NEDD4L: variants seen among roughly 807,000 people sequenced by gnomAD.
The protein encoded by NEDD4L is E3 ubiquitin-protein ligase NEDD4-like.
A neutral mutation model predicts 148.9 loss-of-function variants in NEDD4L; 54 were observed. The observed-to-expected ratio is 0.36, with a 90% CI of 0.29 to 0.45. The LOEUF (loss-of-function observed/expected upper bound fraction) is 0.45, where lower values mean the gene tolerates loss of function less well. NEDD4L is among the 20% of genes least tolerant of loss of function. The probability of loss-of-function intolerance (pLI) is 1.00; values close to 1 mark genes in which losing one functional copy is unlikely to be tolerated. For missense variants in NEDD4L, 856 were observed against 1,233.8 expected (o/e 0.69, Z 4.59); for synonymous variants, 433 against 440.7 (o/e 0.98, Z 0.22).
intron 5 of NEDD4L, chr18:58,255,757 G>T (rs890229662): frequency 8.1e-7 from 1 of 1,232,536 alleles, no homozygotes; most frequent in South Asian, 4.1e-5. Flanking sequence ...ACACCCTACC[G>T]CGGAGAAGCA....
chr18:58,167,219 C>T (rs2146649686), intron 2 of NEDD4L, among the ~76,000 whole-genome samples: 1 of 152,294 alleles, frequency 6.6e-6, no homozygotes, highest in East Asian at 1.9e-4. Context: ...GCAAATCCCA[C>T]CTGAAGGCAC....
chr18:58,087,695 A>G (rs991161646), intron 1 of NEDD4L, among the ~76,000 whole-genome samples: 6 of 152,040 alleles, frequency 3.9e-5, no homozygotes, highest in African/African-American at 7.2e-5. Flanking sequence ...ACCAACATGG[A>G]GAAACCCCAT....
intron 1 of NEDD4L, among the ~76,000 whole-genome samples, chr18:58,123,365 C>T (rs1008496433): frequency 6.6e-6 from 1 of 152,172 alleles, no homozygotes; most frequent in African/African-American, 2.4e-5. Context: ...TCCCAGCCTT[C>T]CCACTTGAAA....
Position 58,083,699 on chromosome 18 carries a change from A to AAAC in NEDD4L, c.48+38993_48+38994insCAA, listed in dbSNP as rs779960904. ...CGAGACTCCATCTCAAAAAACAAAA[A>AAAC]AAACAAAACAACAACAACAGAAAAA... On this transcript the variant is annotated intron_variant, in intron 1 of 30. Transcript: ENST00000400345. 6.9e-3 allele frequency among the ~76,000 whole-genome samples: 1,049 copies of AAAC among 152,290 alleles called. 11 individuals are homozygous for AAAC. The highest frequency in any genetic ancestry group is 0.032 in the South Asian group (153 of 4,820).
At chr18:58,350,249 G>C (rs2043705153) in intron 17 of NEDD4L, among the ~76,000 whole-genome samples, 1 of 152,170 alleles carries the variant, frequency 6.6e-6, no homozygotes, top group Admixed American at 6.5e-5. Context: ...TGTTTTCCAA[G>C]TGTAAGAACC....
intron 2 of NEDD4L, among the ~76,000 whole-genome samples, chr18:58,216,530 AGGAGATGGTG>A (rs1175448870): frequency 6.6e-6 from 1 of 152,080 alleles, no homozygotes; most frequent in Non-Finnish European, 1.5e-5. Context: ...AATGGAGAGG[AGGAGATGGTG>A]GGAGATTAAA....
intron 30 of NEDD4L, 23 bp downstream of exon 30, chr18:58,391,582 T>C: frequency 2.6e-6 from 4 of 1,524,794 alleles, no homozygotes; most frequent in Non-Finnish European, 3.6e-6. Context: ...AACACATGCA[T>C]GTCAATGCAA....
At chr18:58,384,308 G>A (rs4940679) in intron 25 of NEDD4L, among the ~76,000 whole-genome samples, 84,351 of 152,038 alleles carry the variant, frequency 0.55, 23,588 homozygotes, top group South Asian at 0.63. Flanking sequence ...ATTACATGGC[G>A]GACTCTTTTC....
intron 2 of NEDD4L, among the ~76,000 whole-genome samples, chr18:58,207,689 G>A (rs1194578550): frequency 1.3e-5 from 2 of 152,152 alleles, no homozygotes; most frequent in East Asian, 3.8e-4. Context: ...ACCCTTGGCC[G>A]TGCCTCTGCA....
chr18:58,372,084 A>G (rs1262698385), intron 23 of NEDD4L: 1 of 151,994 alleles, frequency 6.6e-6, no homozygotes, highest in Non-Finnish European at 1.5e-5. Context: ...ACTTAAAACT[A>G]TTGGTATTTA....
At chr18:58,276,212 T>TTTGG (rs1555782967) in intron 5 of NEDD4L, among the ~76,000 whole-genome samples, 2 of 103,448 alleles carry the variant, frequency 1.9e-5, no homozygotes, top group African/African-American at 7.3e-5. Context: ...TTTTTTTTTT[T>TTTGG]GGGTGGGGAG....
intron 1 of NEDD4L, among the ~76,000 whole-genome samples, chr18:58,074,436 T>A (rs1353198006): frequency 2.1e-4 from 10 of 48,444 alleles, no homozygotes; most frequent in African/African-American, 2.6e-4. Context: ...TTTTTTGTAT[T>A]TTTTTTTTTT....
chr18:58,129,371 G>A (rs1322982346), intron 1 of NEDD4L, among the ~76,000 whole-genome samples: 1 of 152,230 alleles, frequency 6.6e-6, no homozygotes, highest in Non-Finnish European at 1.5e-5. Flanking sequence ...GAGTACAGAT[G>A]TGTTCATGTC....
chr18:58,105,311 C>T (rs1626887), intron 1 of NEDD4L, among the ~76,000 whole-genome samples: 10,786 of 152,176 alleles, frequency 0.071, 494 homozygotes, highest in African/African-American at 0.12. Context: ...AGGATTCAAT[C>T]CATATCTCCC....
chr18:58,327,424 G>A (rs17064800), intron 9 of NEDD4L, among the ~76,000 whole-genome samples: 13,335 of 152,136 alleles, frequency 0.088, 627 homozygotes, highest in Middle Eastern at 0.12. Context: ...ATCCAAGTTC[G>A]GGCTCACATG....
chr18:58,067,859 G>C (rs1401197592), intron 1 of NEDD4L, among the ~76,000 whole-genome samples: 1 of 152,202 alleles, frequency 6.6e-6, no homozygotes, highest in Admixed American at 6.5e-5. Context: ...TGGCAGCGGG[G>C]AATGCAGGTG....
At chr18:58,218,225 C>T (rs555857582) in intron 2 of NEDD4L, among the ~76,000 whole-genome samples, 41 of 152,130 alleles carry the variant, frequency 2.7e-4, no homozygotes, top group Admixed American at 2.5e-3. Flanking sequence ...CCATTGTGAC[C>T]CTTTGTGGTA....
Position 58,333,872 on chromosome 18 carries a change from G to A in NEDD4L, c.1045G>A (p.Glu349Lys). The change falls in exon 12 of 31, where the codon GAA becomes AAA. Residue 349 changes from glutamate (E) to lysine (K), a missense_variant. By Grantham distance (56) the Glu-to-Lys change is moderately conservative. Transcript: ENST00000400345. The part of the protein sequence containing the change: ...RSCSVTDAVA[E>K]QGHLPPPSAP... ...ATGCAGTGTCACCGACGCAGTTGCA[G>A]AACAGGGCCATCTACCACCGGTAAC... The A allele has an allele frequency of 6.2e-7, 1 of 1,613,456 alleles. No individual in the cohort carries two copies. Among genetic ancestry groups the A allele is most frequent in the Non-Finnish European group, 8.5e-7 (1 of 1,179,594 alleles).
intron 2 of NEDD4L, among the ~76,000 whole-genome samples, chr18:58,176,654 A>G (rs888896373): frequency 1.3e-5 from 2 of 152,118 alleles, no homozygotes; most frequent in Non-Finnish European, 2.9e-5. Context: ...ACTTTTCTGT[A>G]CCATTCCCTG....
Sources: allele counts gnomAD v4.1 joint callset (sites outside exome capture counted in the v4.1 genomes callset), GRCh38; gene constraint gnomAD v4.1.1; transcripts MANE v1.5; gene names NCBI Gene and HGNC (gene_info 2026-07-23, HGNC 2026-07-21).